Variants in PGM2L1 observed in about 807,000 individuals in gnomAD.
PGM2L1 encodes the protein phosphoglucomutase 2 like 1, also known as glucose 1,6-bisphosphate synthase.
PGM2L1 carries 35 observed loss-of-function variants against 73.4 expected under a neutral mutation model. The observed-to-expected ratio is 0.48, with a 90% CI of 0.36 to 0.63. The LOEUF is 0.63. Ranked by LOEUF, PGM2L1 falls within the 30% of genes least tolerant of loss-of-function variation. PGM2L1 has a pLI of 0.00. For synonymous variants in PGM2L1, 225 were observed against 253.8 expected (o/e 0.89, Z 1.08); for missense variants, 570 against 742.0 (o/e 0.77, Z 2.69).
chr11:74,388,796 C>T (rs1054127203), intron 1 of PGM2L1, among the ~76,000 whole-genome samples: 1 of 152,154 alleles, frequency 6.6e-6, no homozygotes, highest in Non-Finnish European at 1.5e-5. Context: ...ATCTCACTGC[C>T]TTCCTGTCTA....
chr11:74,355,477 C>A, intron 5 of PGM2L1: 1 of 382,368 alleles, frequency 2.6e-6, no homozygotes, highest in South Asian at 2.2e-5. Context: ...TGGCGTGAAC[C>A]CGGGAGGCGG....
intron 1 of PGM2L1, chr11:74,397,652 G>T (rs529247636): frequency 1.6e-4 from 25 of 158,614 alleles, no homozygotes; most frequent in African/African-American, 5.7e-4. Flanking sequence ...CAGTAAGGGT[G>T]CCAGAAACCA....
At chr11:74,386,889 A>G (rs1863025764) in intron 1 of PGM2L1, among the ~76,000 whole-genome samples, 1 of 152,218 alleles carries the variant, frequency 6.6e-6, no homozygotes, top group Non-Finnish European at 1.5e-5. Context: ...GAGGAAAGGA[A>G]GAAGGGAGGA....
chr11:74,338,681 A>G, intron 12 of PGM2L1, 80 bp from the exon 13 acceptor site: 1 of 1,467,848 alleles, frequency 6.8e-7, no homozygotes. Flanking sequence ...TGTAAAATAT[A>G]GTCCACTTAT....
chr11:74,371,654 G>T, intron 3 of PGM2L1, 57 bp downstream of exon 3: 2 of 1,467,706 alleles, frequency 1.4e-6, no homozygotes, highest in South Asian at 1.1e-5. Context: ...ACAAAAAAAT[G>T]TTTTAAATAT....
At chr11:74,362,631 G>A in intron 5 of PGM2L1, among the ~76,000 whole-genome samples, 1 of 152,152 alleles carries the variant, frequency 6.6e-6, no homozygotes, top group East Asian at 1.9e-4. Context: ...CCATCAGTGT[G>A]CTGTATTCAG....
Position 74,336,446 on chromosome 11 carries a change from T to A in PGM2L1, c.*206A>T. ...AACTTTTGTTTGAATTATGAAAAAA[T>A]TTGAATCATTTCCCTCTAGACCATT... On this transcript the variant is annotated 3_prime_UTR_variant, in exon 14 of 14. Coordinates refer to ENST00000298198, the MANE Select transcript of PGM2L1 (RefSeq NM_173582.6). The A allele has an allele frequency of 2.9e-6, 1 of 349,200 alleles. No homozygotes were observed. Among genetic ancestry groups the A allele is most frequent in the Non-Finnish European group, 5.2e-6 (1 of 193,730 alleles). 21.6% of individuals were successfully genotyped at this position (349,200 alleles called of 1,614,324 possible).
intron 1 of PGM2L1, among the ~76,000 whole-genome samples, chr11:74,377,306 T>C (rs897352582): frequency 4.6e-5 from 7 of 152,112 alleles, no homozygotes; most frequent in African/African-American, 1.7e-4. Context: ...GCTAATTTTT[T>C]GTACTTTTAG....
At chr11:74,354,393 C>T (rs899765846) in intron 5 of PGM2L1, 26 of 587,406 alleles carry the variant, frequency 4.4e-5, no homozygotes, top group Middle Eastern at 4.5e-4. Flanking sequence ...GCTTTCTGCC[C>T]GTGGATGCTG....
rs1862204073 is a variant in PGM2L1 at position 74,342,899 on chromosome 11, A to G, written c.1428T>C (p.Val476=). ...GTAGAACTTACTTTTCATAAACCTT[A>G]ACCAGTTGCTGTTTCAATGTTATAT... The part of the protein sequence containing the change: ...TMNITLKQQL[V]KVYEKYGYHI... The change falls in exon 11 of 14, where the codon GTT becomes GTC. Residue 476 remains valine (V), a synonymous_variant. Coordinates refer to ENST00000298198, the MANE Select transcript of PGM2L1 (RefSeq NM_173582.6). 6.2e-7 allele frequency: 1 copy of G among 1,604,048 alleles called. No homozygotes were observed. Among genetic ancestry groups the G allele is most frequent in the Non-Finnish European group, 8.5e-7 (1 of 1,176,740 alleles).
chr11:74,370,410 CAG>C (rs893211601), intron 4 of PGM2L1, among the ~76,000 whole-genome samples: 3 of 152,148 alleles, frequency 2.0e-5, no homozygotes, highest in South Asian at 2.1e-4. Flanking sequence ...AAATTCCAAA[CAG>C]GGGAAGATTT....
At position 74,335,273 on chromosome 11, in the gene PGM2L1, C is replaced by G. The variant is rs1451658667; in HGVS notation, c.*1379G>C. On this transcript the variant is annotated 3_prime_UTR_variant, in exon 14 of 14. Transcript: ENST00000298198. ...AGTAGCTGGGACTACAGGTGCCCAC[C>G]ACCACACCCGGCTAATTTTTGTATT... 1 of 152,094 alleles carries G rather than the reference C, an allele frequency of 6.6e-6. No homozygotes were observed. 9.4% of individuals were successfully genotyped at this position (152,094 alleles called of 1,614,324 possible).
At chr11:74,344,826 A>G (rs1193156441) in intron 9 of PGM2L1, among the ~76,000 whole-genome samples, 1 of 152,252 alleles carries the variant, frequency 6.6e-6, no homozygotes, top group Admixed American at 6.5e-5. Context: ...AAAGCCAGGT[A>G]CAATTTTCTT....
At chr11:74,395,877 T>C (rs2134960634) in intron 1 of PGM2L1, among the ~76,000 whole-genome samples, 1 of 152,236 alleles carries the variant, frequency 6.6e-6, no homozygotes, top group East Asian at 1.9e-4. Flanking sequence ...CAGGTTTCTT[T>C]AATATTTCAG....
intron 5 of PGM2L1, among the ~76,000 whole-genome samples, chr11:74,366,459 T>TAA (rs60427823): frequency 2.8e-5 from 4 of 143,350 alleles, no homozygotes; most frequent in African/African-American, 1.0e-4. Flanking sequence ...CCCCATCTCT[T>TAA]AAAAAAAAAA....
At position 74,398,403 on chromosome 11, in the gene PGM2L1, GT is replaced by G; in HGVS notation, c.-243del. 2.1e-6 allele frequency: 1 copy of G among 483,096 alleles called. No individual in the cohort carries two copies. The highest frequency in any genetic ancestry group is 3.3e-6 in the Non-Finnish European group (1 of 300,944). 29.9% of individuals were successfully genotyped at this position (483,096 alleles called of 1,614,324 possible). A position where few individuals can be genotyped will look rare whatever the true frequency, so the allele number is the denominator to read the frequency against. The stretch of plus-strand genomic sequence containing the variant: ...GTCTCTGGGCGAAGTGACTGAGGCG[GT>G]CGCGCCGCGAGAGAACAACAGTCCC... On this transcript the variant is annotated 5_prime_UTR_variant, in exon 1 of 14. Transcript: ENST00000298198.
intron 5 of PGM2L1, among the ~76,000 whole-genome samples, chr11:74,361,128 T>C (rs538103): frequency 0.72 from 109,791 of 152,044 alleles, 39,842 homozygotes; most frequent in East Asian, 0.81. Flanking sequence ...CCCCGAGTAG[T>C]GCAACTGGGA....
At chr11:74,343,234 T>G (rs923945433) in intron 10 of PGM2L1, 89 bp downstream of exon 10, 2 of 1,441,718 alleles carry the variant, frequency 1.4e-6, no homozygotes, top group Non-Finnish European at 1.8e-6. Context: ...ACTCAAAATA[T>G]GAAACCAGAA....
At chr11:74,366,061 A>G (rs1235553100) in intron 5 of PGM2L1, among the ~76,000 whole-genome samples, 3 of 152,214 alleles carry the variant, frequency 2.0e-5, no homozygotes, top group Non-Finnish European at 4.4e-5. Context: ...TGTCCTTTGT[A>G]GGGACATGGA....
Sources: allele counts gnomAD v4.1 joint callset (sites outside exome capture counted in the v4.1 genomes callset), GRCh38; gene constraint gnomAD v4.1.1; transcripts MANE v1.5; gene names NCBI Gene and HGNC (gene_info 2026-07-23, HGNC 2026-07-21).